Variants in FAN1 observed in about 807,000 individuals in gnomAD.
FAN1 encodes fanconi-associated nuclease 1.
In FAN1, 91 loss-of-function variants were observed where a neutral mutation model predicts 104.9. The ratio of observed to expected loss-of-function variants is 0.87; its 90% CI spans 0.73 to 1.03. The LOEUF is 1.03. FAN1 is among the 50% of genes least tolerant of loss of function. The probability of loss-of-function intolerance (pLI) is 0.00; values close to 1 mark genes in which losing one functional copy is unlikely to be tolerated. For synonymous variants in FAN1, 478 were observed against 457.6 expected (o/e 1.04, Z -0.57); for missense variants, 1,263 against 1,239.9 (o/e 1.02, Z -0.28).
chr15:30,910,197 G>A (rs2062068121), intron 3 of FAN1, among the ~76,000 whole-genome samples: 1 of 152,240 alleles, frequency 6.6e-6, no homozygotes, highest in African/African-American at 2.4e-5. Context: ...GCTCACGAAT[G>A]CCGAGTGAGC....
rs1595833974 is a variant in FAN1, at chr15:30,910,602, TAACCA to T, written c.1376-11_1376-7del. 1.3e-6 allele frequency: 2 copies of T among 1,495,346 alleles called. No individual in the cohort carries two copies. Among genetic ancestry groups the T allele is most frequent in the Non-Finnish European group, 1.8e-6 (2 of 1,114,816 alleles). 92.6% of individuals were successfully genotyped at this position (1,495,346 alleles called of 1,614,324 possible). A position where few individuals can be genotyped will look rare whatever the true frequency, so the allele number is the denominator to read the frequency against. On this transcript the variant is annotated splice_region_variant and splice_polypyrimidine_tract_variant and intron_variant, in intron 3 of 14. Transcript: ENST00000362065. Reference sequence around the variant, plus strand: ...TAAAATTTAAAAAAACTTTTTTTTTTAACCATTTCAGAATCTGAGTTGCAAGAACT... The same window carrying T: ...TAAAATTTAAAAAAACTTTTTTTTTTTTTCAGAATCTGAGTTGCAAGAACT...
chr15:30,924,457 C>T lies in FAN1; in HGVS notation c.2173-670C>T, dbSNP rs759839969. Reference sequence around the variant, plus strand: ...CAGTGTCACATTCCCACCAGCAATGCGTGAGGTTTCTGGTTTCTCTACCTC... The same window carrying T: ...CAGTGTCACATTCCCACCAGCAATGTGTGAGGTTTCTGGTTTCTCTACCTC... On this transcript the variant is annotated intron_variant, in intron 8 of 14. Transcript: ENST00000362065. 5.3e-5 allele frequency among the ~76,000 whole-genome samples: 8 copies of T among 152,172 alleles called. No individual in the cohort carries two copies. The South Asian group carries it at 8.3e-4, about 16-fold the overall frequency.
At chr15:30,932,711 C>CTTT in intron 13 of FAN1, among the ~76,000 whole-genome samples, 1 of 103,262 alleles carries the variant, frequency 9.7e-6, no homozygotes, top group Admixed American at 1.2e-4. Flanking sequence ...ATATTTGTTT[C>CTTT]TTTTCTTTTT....
chr15:30,927,798 G>T, intron 10 of FAN1: 1 of 985,808 alleles, frequency 1.0e-6, no homozygotes, highest in Non-Finnish European at 1.2e-6. Context: ...ATGAGCTGGG[G>T]CTTGCTCAGG....
rs556911720 is a variant in FAN1, at chr15:30,942,460, G to A, written c.*898G>A. The A allele has an allele frequency of 4.5e-5, 12 of 267,998 alleles. No homozygotes were observed. The highest frequency in any genetic ancestry group is 2.4e-4 in the African/African-American group (11 of 45,224). The allele number at this position is 267,998 out of a possible 1,614,324, so 16.6% of individuals were successfully genotyped here. A position where few individuals can be genotyped will look rare whatever the true frequency, so the allele number is the denominator to read the frequency against. On this transcript the variant is annotated 3_prime_UTR_variant, in exon 15 of 15. Coordinates refer to ENST00000362065, the MANE Select transcript of FAN1 (RefSeq NM_014967.5). Reference sequence around the variant, plus strand: ...ATTCTTTGTTCTGTACCTTTCAGTAGTCTGCAAATTTTCTACCAAAAAAAA... The same window carrying A: ...ATTCTTTGTTCTGTACCTTTCAGTAATCTGCAAATTTTCTACCAAAAAAAA...
At chr15:30,922,199 G>C (rs754913864) in intron 7 of FAN1, 36 bp from the exon 8 acceptor site, 21 of 1,591,384 alleles carry the variant, frequency 1.3e-5, no homozygotes, top group Admixed American at 1.9e-5. Context: ...GATTTTTTGT[G>C]AATCTAATGA....
In FAN1 at chr15:30,928,296, T is replaced by C. The variant is rs550094421; in HGVS notation, c.2489-257T>C. On this transcript the variant is annotated intron_variant, in intron 10 of 14. Coordinates refer to ENST00000362065, the MANE Select transcript of FAN1 (RefSeq NM_014967.5). ...CTAAAGTTTGAGAACCACTGCTTTG[T>C]GGCTTTGAAATGTTCATTTGAATTT... is the stretch of plus-strand genomic sequence containing the variant. The C allele has an allele frequency of 5.5e-6, 7 of 1,267,520 alleles. No homozygotes were observed. In the Admixed American group the frequency reaches 1.2e-4, roughly 21 times the overall value. 78.5% of individuals were successfully genotyped at this position (1,267,520 alleles called of 1,614,324 possible).
chr15:30,933,765 GTTT>G (rs3051974), intron 13 of FAN1, among the ~76,000 whole-genome samples: 32,473 of 144,234 alleles, frequency 0.23, 4,156 homozygotes, highest in African/African-American at 0.39. Flanking sequence ...TTTTTTTTTT[GTTT>G]TTGTTTTTTG....
chr15:30,927,090 TCA>T (rs1268910477), intron 10 of FAN1: 15 of 944,118 alleles, frequency 1.6e-5, no homozygotes, highest in Admixed American at 6.2e-5. Flanking sequence ...GACAGGAGGA[TCA>T]CTTGAACTCT....
chr15:30,937,946 C>G (rs2062909322), intron 14 of FAN1, among the ~76,000 whole-genome samples: 1 of 150,868 alleles, frequency 6.6e-6, no homozygotes, highest in African/African-American at 2.4e-5. Context: ...CTTTGGGAGG[C>G]TGAGCGAGGC....
chr15:30,933,900 A>G lies in FAN1; in HGVS notation c.2917-3219A>G, dbSNP rs117991128. Among the ~76,000 whole-genome samples, 172 of 152,198 alleles carry G rather than the reference A, an allele frequency of 1.1e-3. No homozygotes were observed. In the East Asian group the frequency reaches 0.031, roughly 27 times the overall value. ...CTCAGCCTGTTGAGTAGCCCGAACT[A>G]TAGGCATGCACCATCATGCCCAGCT... On this transcript the variant is annotated intron_variant, in intron 13 of 14. Transcript: ENST00000362065.
chr15:30,904,921 G>A lies in FAN1; in HGVS notation c.258G>A (p.Met86Ile). The A allele has an allele frequency of 6.2e-7, 1 of 1,613,966 alleles. No individual in the cohort carries two copies. Among genetic ancestry groups the A allele is most frequent in the Non-Finnish European group, 8.5e-7 (1 of 1,180,028 alleles). ...GCTTAATAAATTCAAATGTGTCTAT[G>A]GTAGATTTAACCAGTGTTACCTTAG... ...QVGLINSNVS[M>I]VDLTSVTLED... The change falls in exon 2 of 15, where the codon ATG (methionine) becomes ATA (isoleucine). Residue 86 changes from methionine (M) to isoleucine (I), a missense_variant. This residue lies in a region of FAN1 where 682 missense variants were observed against 571.1 expected (regional missense o/e 1.19). Coordinates refer to ENST00000362065, the MANE Select transcript of FAN1 (RefSeq NM_014967.5).
At chr15:30,918,117 T>C in intron 5 of FAN1, 47 bp from the exon 6 acceptor site, 1 of 1,607,596 alleles carries the variant, frequency 6.2e-7, no homozygotes, top group Non-Finnish European at 8.5e-7. Context: ...GGTCATTCTA[T>C]GGGAATGCTC....
rs2062352701 is a variant in FAN1, at chr15:30,922,290, G to A, written c.2108G>A (p.Ser703Asn). The A allele has an allele frequency of 6.2e-7, 1 of 1,614,018 alleles. No individual in the cohort carries two copies. Among genetic ancestry groups the A allele is most frequent in the Non-Finnish European group, 8.5e-7 (1 of 1,179,994 alleles). Residue 703 changes from serine (S) to asparagine (N), a missense_variant, in exon 8 of 15, where the codon AGC (serine) becomes AAC (asparagine). Transcript: ENST00000362065. ...TCTCAGAGAATTTATTGTCCTGACA[G>A]CAGAGGCCGATGGTGGGATCGACTG... ...LLSQRIYCPD[S>N]RGRWWDRLAL...
intron 10 of FAN1, among the ~76,000 whole-genome samples, 181 bp downstream of exon 10, chr15:30,926,120 G>T (rs748013771): frequency 2.0e-4 from 31 of 152,212 alleles, no homozygotes; most frequent in Admixed American, 7.2e-4. Flanking sequence ...TAGGTCAGGG[G>T]TAGTTGTCCC....
chr15:30,929,943 T>TAATATATATCATATATAATATATAA (rs2062653397), intron 12 of FAN1, among the ~76,000 whole-genome samples: 3 of 105,272 alleles, frequency 2.8e-5, no homozygotes, highest in Non-Finnish European at 5.0e-5. Context: ...ATAAAATATA[T>TAATATATATCATATATAATATATAA]AATATAATAT....
intron 2 of FAN1, 111 bp from the exon 3 acceptor site, chr15:30,908,007 G>T: frequency 1.4e-6 from 1 of 706,650 alleles, no homozygotes; most frequent in Non-Finnish European, 2.1e-6. Context: ...ATAAAATGAA[G>T]GCCTTATACA....
chr15:30,940,375 G>C, intron 14 of FAN1: 1 of 985,374 alleles, frequency 1.0e-6, no homozygotes, highest in Non-Finnish European at 1.2e-6. Context: ...CACTTCTGTC[G>C]CTATTCAAAT....
chr15:30,929,922 AT>A (rs2062649530), intron 12 of FAN1, among the ~76,000 whole-genome samples: 2 of 38,766 alleles, frequency 5.2e-5, no homozygotes, highest in African/African-American at 1.4e-4. Flanking sequence ...AATATATATC[AT>A]ATATAATATA....
Sources: allele counts gnomAD v4.1 joint callset (sites outside exome capture counted in the v4.1 genomes callset), GRCh38; gene constraint gnomAD v4.1.1; regional missense constraint gnomAD v4.1.1; transcripts MANE v1.5; gene names NCBI Gene and HGNC (gene_info 2026-07-23, HGNC 2026-07-21).